Variants in PRDM6 observed in about 807,000 individuals in gnomAD.
The protein encoded by PRDM6 is putative histone-lysine N-methyltransferase PRDM6.
Under a neutral mutation model 60.8 loss-of-function variants are expected in PRDM6, and 25 were observed. The observed-to-expected ratio is 0.41, with a 90% CI of 0.30 to 0.57. The LOEUF (loss-of-function observed/expected upper bound fraction) is 0.57, where lower values mean the gene tolerates loss of function less well. PRDM6 is among the 20% of genes least tolerant of loss of function. PRDM6 has a pLI of 0.27. For missense variants in PRDM6, 839 were observed against 821.3 expected (o/e 1.02, Z -0.26); for synonymous variants, 407 against 357.4 (o/e 1.14, Z -1.57).
At chr5:123,185,750 A>G (rs939064962) in intron 7 of PRDM6, among the ~76,000 whole-genome samples, 4 of 152,368 alleles carry the variant, frequency 2.6e-5, no homozygotes, top group East Asian at 1.9e-4. Context: ...AAAACATGCA[A>G]GAATTCCCAG....
chr5:123,109,392 C>T (rs1029368912), intron 3 of PRDM6, among the ~76,000 whole-genome samples: 3 of 152,016 alleles, frequency 2.0e-5, no homozygotes, highest in East Asian at 3.9e-4. Flanking sequence ...TTGAGATTTT[C>T]CCCCGTTTTC....
intron 6 of PRDM6, among the ~76,000 whole-genome samples, chr5:123,177,516 A>G (rs1766044629): frequency 1.3e-5 from 2 of 152,208 alleles, no homozygotes; most frequent in Non-Finnish European, 2.9e-5. Context: ...TAACTAAAAC[A>G]AGGTTTGGTC....
chr5:123,096,772 A>G (rs935281818), intron 2 of PRDM6, among the ~76,000 whole-genome samples: 32 of 152,240 alleles, frequency 2.1e-4, no homozygotes, highest in African/African-American at 7.7e-4. Flanking sequence ...TTATGGAGAC[A>G]AATGAAACAA....
chr5:123,193,629 A>G lies in PRDM6; in HGVS notation c.*6428A>G, dbSNP rs538395374. 3.9e-5 allele frequency: 6 copies of G among 152,344 alleles called. No individual in the cohort carries two copies. The highest frequency in any genetic ancestry group is 1.4e-4 in the African/African-American group (6 of 41,578). 9.4% of individuals were successfully genotyped at this position (152,344 alleles called of 1,614,324 possible). A position where few individuals can be genotyped will look rare whatever the true frequency, so the allele number is the denominator to read the frequency against. ...CAGTTTAAATGCAGAGGCTAAGGTG[A>G]TGACTAACGAATTAAGGAAAACTTT... On this transcript the variant is annotated 3_prime_UTR_variant, in exon 8 of 8. Transcript: ENST00000407847.
chr5:123,145,292 A>G (rs191712727), intron 3 of PRDM6, among the ~76,000 whole-genome samples: 90 of 152,282 alleles, frequency 5.9e-4, no homozygotes, highest in African/African-American at 1.9e-3. Context: ...ATGTCTTATG[A>G]TTTGTTTTAC....
At chr5:123,170,363 C>T (rs1472292614) in intron 5 of PRDM6, among the ~76,000 whole-genome samples, 2 of 152,192 alleles carry the variant, frequency 1.3e-5, no homozygotes, top group African/African-American at 4.8e-5. Flanking sequence ...AAGCTGAATC[C>T]GTTTTCTCTG....
chr5:123,133,206 T>C (rs929538386), intron 3 of PRDM6, among the ~76,000 whole-genome samples: 2 of 152,264 alleles, frequency 1.3e-5, no homozygotes, highest in East Asian at 3.9e-4. Context: ...ATAATCTCCT[T>C]TTCCATTTAA....
intron 3 of PRDM6, among the ~76,000 whole-genome samples, chr5:123,150,494 T>A (rs1400166860): frequency 3.3e-5 from 5 of 152,210 alleles, no homozygotes; most frequent in African/African-American, 1.2e-4. Context: ...CAAGAATCAT[T>A]TTTTTGAGTA....
intron 3 of PRDM6, among the ~76,000 whole-genome samples, chr5:123,150,403 A>G (rs1765346861): frequency 1.3e-5 from 2 of 152,164 alleles, no homozygotes; most frequent in Admixed American, 1.3e-4. Flanking sequence ...GTCTCCTTTA[A>G]CAACCACCGT....
rs1766362226 is a variant in PRDM6, at chr5:123,189,472, A to G, written c.*2271A>G. ...ATGAGAAGGCTTCCCTCCTCCCTTGATGTCTGGCATGGGAAGGTTTTCCTT... is the reference window on the plus strand; with the variant it reads ...ATGAGAAGGCTTCCCTCCTCCCTTGGTGTCTGGCATGGGAAGGTTTTCCTT... On this transcript the variant is annotated 3_prime_UTR_variant, in exon 8 of 8. Coordinates refer to ENST00000407847, the MANE Select transcript of PRDM6 (RefSeq NM_001136239.4). 1 of 152,106 alleles carries G rather than the reference A, an allele frequency of 6.6e-6. No individual in the cohort carries two copies. The highest frequency in any genetic ancestry group is 6.6e-5 in the Admixed American group (1 of 15,264). The allele number at this position is 152,106 out of a possible 1,614,324, so 9.4% of individuals were successfully genotyped here.
At chr5:123,123,629 C>A (rs1302681991) in intron 3 of PRDM6, among the ~76,000 whole-genome samples, 2 of 152,202 alleles carry the variant, frequency 1.3e-5, no homozygotes, top group Non-Finnish European at 2.9e-5. Context: ...GTTTTATTTT[C>A]ATTTCTATTG....
intron 5 of PRDM6, among the ~76,000 whole-genome samples, chr5:123,161,052 G>C (rs1385510410): frequency 6.6e-6 from 1 of 152,186 alleles, no homozygotes; most frequent in Admixed American, 6.5e-5. Context: ...ACATGTACTT[G>C]TCTGTAGGTT....
intron 3 of PRDM6, among the ~76,000 whole-genome samples, chr5:123,130,348 CCCT>C (rs1292659700): frequency 8.1e-6 from 1 of 123,272 alleles, no homozygotes; most frequent in Admixed American, 8.8e-5. Context: ...CTTTTTCTCT[CCCT>C]CCTTTTTTTC....
chr5:123,090,161 T>A lies in PRDM6; in HGVS notation c.147T>A (p.Pro49=). Residue 49 remains proline, a synonymous_variant, in exon 2 of 8, where the codon CCT becomes CCA. Coordinates refer to ENST00000407847, the MANE Select transcript of PRDM6 (RefSeq NM_001136239.4). ...CGGGTCTCCTGAGCGCGCCGCAGCC[T>A]CTTCAGCCGCCGCCGCCGCCCCCGC... The part of the protein sequence containing the change: ...GAAGLLSAPQ[P]LQPPPPPPPP... The A allele has an allele frequency of 6.7e-7, 1 of 1,499,646 alleles. No individual in the cohort carries two copies. The highest frequency in any genetic ancestry group is 8.9e-7 in the Non-Finnish European group (1 of 1,126,580). The allele number at this position is 1,499,646 out of a possible 1,614,324, so 92.9% of individuals were successfully genotyped here.
At chr5:123,179,087 T>G (rs372165455) in intron 6 of PRDM6, among the ~76,000 whole-genome samples, 6 of 152,330 alleles carry the variant, frequency 3.9e-5, no homozygotes, top group African/African-American at 1.2e-4. Flanking sequence ...TAGCTTTGAA[T>G]AGGGAAAACT....
At chr5:123,140,843 A>T (rs894548837) in intron 3 of PRDM6, among the ~76,000 whole-genome samples, 35 of 152,152 alleles carry the variant, frequency 2.3e-4, no homozygotes, top group Admixed American at 1.8e-3. Context: ...ACTAATAAAC[A>T]GAAGGCAAGT....
intron 7 of PRDM6, among the ~76,000 whole-genome samples, chr5:123,183,750 GA>G (rs2126892850): frequency 6.6e-6 from 1 of 152,276 alleles, no homozygotes; most frequent in Non-Finnish European, 1.5e-5. Context: ...AGGAAGGAAG[GA>G]AATAAAGAAG....
intron 3 of PRDM6, among the ~76,000 whole-genome samples, chr5:123,143,989 A>T (rs886919797): frequency 6.6e-6 from 1 of 152,182 alleles, no homozygotes; most frequent in Non-Finnish European, 1.5e-5. Context: ...CAATCCTGTC[A>T]GTCTATCTCT....
chr5:123,117,001 C>G (rs906574045), intron 3 of PRDM6, among the ~76,000 whole-genome samples: 1 of 152,148 alleles, frequency 6.6e-6, no homozygotes, highest in African/African-American at 2.4e-5. Context: ...CTGGAAAATT[C>G]CTTTGTTTTG....
Sources: gnomAD v4.1 joint callset for allele counts (sites outside exome capture counted in the v4.1 genomes callset) on GRCh38, gnomAD v4.1.1 for gene constraint, MANE v1.5 for transcripts, NCBI Gene and HGNC (gene_info 2026-07-23, HGNC 2026-07-21) for gene names.